The following RARB variants were observed in gnomAD, a reference collection of about 807,000 sequenced individuals.
RARB encodes HBV-activated protein.
Under a neutral mutation model 51.9 loss-of-function variants are expected in RARB, and 17 were observed. That is an observed-to-expected ratio of 0.33 (90% CI 0.22 to 0.49). The LOEUF is 0.49. Ranked by LOEUF, RARB falls within the 20% of genes least tolerant of loss-of-function variation. RARB has a pLI of 0.99. For synonymous variants in RARB, 215 were observed against 195.4 expected (o/e 1.10, Z -0.84); for missense variants, 369 against 550.8 (o/e 0.67, Z 3.30).
intron 3 of RARB, among the ~76,000 whole-genome samples, chr3:25,562,133 A>C (rs760828854): frequency 3.3e-5 from 5 of 152,212 alleles, no homozygotes; most frequent in Non-Finnish European, 2.9e-5. Context: ...ACAGTGTTTC[A>C]GATACACGAG....
chr3:24,952,627 C>A (rs773370753), intron 2 of RARB, among the ~76,000 whole-genome samples: 1 of 152,146 alleles, frequency 6.6e-6, no homozygotes, highest in Admixed American at 6.5e-5. Flanking sequence ...CGTGGCACAG[C>A]AGGTGCTCAG....
chr3:24,915,876 G>T (rs1056180732), intron 2 of RARB, among the ~76,000 whole-genome samples: 10 of 152,124 alleles, frequency 6.6e-5, no homozygotes, highest in African/African-American at 2.4e-4. Flanking sequence ...GATTTCTGAA[G>T]CCAAGAAACA....
intron 2 of RARB, among the ~76,000 whole-genome samples, chr3:25,480,357 T>A (rs4681066): frequency 0.48 from 73,213 of 152,092 alleles, 19,907 homozygotes; most frequent in African/African-American, 0.74. Context: ...TATAAAGTAG[T>A]TGCTGTTGCT....
In RARB at chr3:25,300,557, A is replaced by G. The variant is rs1297396562; in HGVS notation, c.178+125982A>G. 2.0e-5 allele frequency among the ~76,000 whole-genome samples: 3 copies of G among 152,208 alleles called. No homozygotes were observed. The East Asian group carries it at 5.8e-4, about 29-fold the overall frequency. ...TTTGCAGGCAGAGGGCAGTTTTCTG[A>G]GAAGAACAGAAGGAACCAAAGCTTT... On this transcript the variant is annotated intron_variant, in intron 5 of 11. Coordinates refer to the RARB transcript ENST00000383772.
rs1699109903 is a variant in RARB, at chr3:25,086,596, C to T, written c.-328+26420C>T. 1.3e-5 allele frequency among the ~76,000 whole-genome samples: 2 copies of T among 152,064 alleles called. 1 individual carries two copies. Among genetic ancestry groups the T allele is most frequent in the South Asian group, 4.1e-4 (2 of 4,824 alleles). On this transcript the variant is annotated intron_variant, in intron 3 of 11. Coordinates refer to the RARB transcript ENST00000383772. ...ACATGTGTCCAAGGTGGTTGGGTTA[C>T]AGCTTGGTTTTATGTGTTTTAGGGA...
chr3:24,889,435 T>C (rs1703332318), intron 2 of RARB, among the ~76,000 whole-genome samples: 1 of 152,146 alleles, frequency 6.6e-6, no homozygotes, highest in African/African-American at 2.4e-5. Flanking sequence ...TTATTACCTT[T>C]ATATTTGTAA....
intron 5 of RARB, among the ~76,000 whole-genome samples, chr3:25,252,745 T>C (rs1219899787): frequency 6.6e-6 from 1 of 152,214 alleles, no homozygotes; most frequent in Non-Finnish European, 1.5e-5. Flanking sequence ...ATAAATTTTT[T>C]TGTGGAAGGA....
intron 5 of RARB, among the ~76,000 whole-genome samples, chr3:25,308,076 G>C (rs866927840): frequency 6.6e-6 from 1 of 152,182 alleles, no homozygotes; most frequent in Non-Finnish European, 1.5e-5. Flanking sequence ...TGGTGCCCAT[G>C]AGTAGGTACA....
At chr3:25,136,801 T>C (rs1700037602) in intron 4 of RARB, among the ~76,000 whole-genome samples, 1 of 151,946 alleles carries the variant, frequency 6.6e-6, no homozygotes, top group Non-Finnish European at 1.5e-5. Flanking sequence ...AGAACCATCC[T>C]TGGCTTAGAA....
rs1702006017 is a variant in RARB at position 25,224,187 on chromosome 3, C to T, written c.178+49612C>T. On this transcript the variant is annotated intron_variant, in intron 5 of 11. Coordinates refer to the RARB transcript ENST00000383772. ...TGCAGTTGAAGATAATTTTTAATAG[C>T]CTATTAATGCCCAACAAACAAGCAG... Among the ~76,000 whole-genome samples the T allele has an allele frequency of 3.3e-5, 5 of 152,084 alleles. No homozygotes were observed. In the South Asian group the frequency reaches 1.0e-3, roughly 31 times the overall value.
At chr3:24,980,116 T>C (rs1332456512) in intron 2 of RARB, among the ~76,000 whole-genome samples, 1 of 152,218 alleles carries the variant, frequency 6.6e-6, no homozygotes, top group Non-Finnish European at 1.5e-5. Context: ...GTCTTGTTTG[T>C]AGGGTTTCTG....
At chr3:25,288,552 C>T (rs767004380) in intron 5 of RARB, among the ~76,000 whole-genome samples, 8 of 152,142 alleles carry the variant, frequency 5.3e-5, no homozygotes, top group Non-Finnish European at 7.3e-5. Flanking sequence ...CTATTTGGGC[C>T]AATTTGCATG....
intron 2 of RARB, chr3:25,020,364 C>T (rs2125284527): frequency 6.6e-6 from 1 of 152,050 alleles, no homozygotes; most frequent in East Asian, 1.9e-4. Context: ...GACACCAGAT[C>T]AGCAAAGTGC....
rs181403022 is a variant in RARB at position 25,011,390 on chromosome 3, T to A, written c.-379-48735T>A. The stretch of plus-strand genomic sequence containing the variant: ...GGTGAGGGAGCAAACCATGTACTTA[T>A]GACAGTGATTTCTTAAAAATCAATG... On this transcript the variant is annotated intron_variant, in intron 2 of 11. Coordinates refer to the RARB transcript ENST00000383772. Among the ~76,000 whole-genome samples the A allele has an allele frequency of 5.9e-5, 9 of 152,266 alleles. No individual in the cohort carries two copies. In the East Asian group the frequency reaches 1.2e-3, roughly 20 times the overall value.
intron 5 of RARB, among the ~76,000 whole-genome samples, chr3:25,270,384 AC>A (rs1237108134): frequency 6.6e-6 from 1 of 152,192 alleles, no homozygotes; most frequent in Non-Finnish European, 1.5e-5. Flanking sequence ...ACACAAAAAG[AC>A]AAATAGTATG....
chr3:24,939,746 C>T (rs1167869466), intron 2 of RARB, among the ~76,000 whole-genome samples: 2 of 152,190 alleles, frequency 1.3e-5, no homozygotes, highest in Admixed American at 6.5e-5. Context: ...AACAATTACA[C>T]TCTTCTGGGC....
At chr3:25,274,010 G>A (rs1703319062) in intron 5 of RARB, among the ~76,000 whole-genome samples, 1 of 152,118 alleles carries the variant, frequency 6.6e-6, no homozygotes, top group South Asian at 2.1e-4. Context: ...CCCTGGGATG[G>A]TTCTCACTCT....
At chr3:25,220,320 GT>G (rs1196544784) in intron 5 of RARB, among the ~76,000 whole-genome samples, 1 of 152,132 alleles carries the variant, frequency 6.6e-6, no homozygotes, top group Admixed American at 6.5e-5. Flanking sequence ...TAGATGTTGT[GT>G]TTTTAACCAA....
At chr3:24,831,761 T>C (rs1439574522) in intron 1 of RARB, among the ~76,000 whole-genome samples, 1 of 152,142 alleles carries the variant, frequency 6.6e-6, no homozygotes, top group Non-Finnish European at 1.5e-5. Flanking sequence ...GCATCCTTAT[T>C]TTATTTAACT....
Sources: gnomAD v4.1 joint callset for allele counts (sites outside exome capture counted in the v4.1 genomes callset) on GRCh38, gnomAD v4.1.1 for gene constraint, MANE v1.5 for transcripts, NCBI Gene and HGNC (gene_info 2026-07-23, HGNC 2026-07-21) for gene names.